NAV2: variants seen among roughly 807,000 people sequenced by gnomAD.
NAV2 encodes the protein neuron navigator 2.
NAV2 carries 54 observed loss-of-function variants against 223.2 expected under a neutral mutation model. That is an observed-to-expected ratio of 0.24 (90% CI 0.19 to 0.30). The LOEUF (loss-of-function observed/expected upper bound fraction) is 0.30. Among genes scored for constraint, NAV2 ranks in the 10% least tolerant of loss-of-function variants. The pLI is 1.00. For missense variants in NAV2, 2,806 were observed against 3,147.5 expected (o/e 0.89, Z 2.60); for synonymous variants, 1,279 against 1,239.3 (o/e 1.03, Z -0.67).
At chr11:19,556,750 G>A (rs1243422223) in intron 1 of NAV2, among the ~76,000 whole-genome samples, 2 of 152,170 alleles carry the variant, frequency 1.3e-5, no homozygotes, top group African/African-American at 4.8e-5. Flanking sequence ...ACATGCAATA[G>A]CTAAAATGTG....
At chr11:19,844,604 A>AT (rs1285845138) in intron 3 of NAV2, among the ~76,000 whole-genome samples, 9 of 152,104 alleles carry the variant, frequency 5.9e-5, no homozygotes, top group African/African-American at 2.2e-4. Context: ...AAAGTTTTGG[A>AT]TTTTGGCATA....
At chr11:19,582,324 A>C (rs910781677) in intron 1 of NAV2, among the ~76,000 whole-genome samples, 4 of 151,860 alleles carry the variant, frequency 2.6e-5, no homozygotes, top group Non-Finnish European at 5.9e-5. Flanking sequence ...TTGCCTGTTC[A>C]CTCTGATGGT....
At chr11:19,653,141 T>C (rs1411187084) in intron 1 of NAV2, among the ~76,000 whole-genome samples, 1 of 152,170 alleles carries the variant, frequency 6.6e-6, no homozygotes, top group Non-Finnish European at 1.5e-5. Flanking sequence ...CATGTGACAC[T>C]TGGCACAAGA....
At chr11:20,083,243 G>A (rs1162300136) in intron 26 of NAV2, 64 bp downstream of exon 26, 4 of 1,378,532 alleles carry the variant, frequency 2.9e-6, no homozygotes, top group African/African-American at 1.4e-5. Context: ...AGTAGGAATG[G>A]CTAGGAGTCC....
intron 2 of NAV2, among the ~76,000 whole-genome samples, chr11:19,836,962 T>A (rs2060272088): frequency 1.3e-5 from 2 of 152,148 alleles, no homozygotes; most frequent in Non-Finnish European, 2.9e-5. Context: ...GTTCATGAGA[T>A]CTTTACCCTC....
intron 1 of NAV2, among the ~76,000 whole-genome samples, chr11:19,771,828 A>G (rs1034870749): frequency 6.6e-6 from 1 of 152,148 alleles, no homozygotes; most frequent in Non-Finnish European, 1.5e-5. Flanking sequence ...ATTCATTCGT[A>G]GGCTTGTCAG....
chr11:19,884,200 TC>T, intron 5 of NAV2: 2 of 872,050 alleles, frequency 2.3e-6, no homozygotes, highest in Non-Finnish European at 1.9e-6. Flanking sequence ...AACAGCAACA[TC>T]CCCATTGTCA....
At chr11:19,356,420 C>G (rs934962157) in intron 1 of NAV2, among the ~76,000 whole-genome samples, 1 of 152,192 alleles carries the variant, frequency 6.6e-6, no homozygotes, top group Non-Finnish European at 1.5e-5. Flanking sequence ...CCAGCCGCAG[C>G]ATGAGGCACT....
chr11:19,540,485 C>T (rs938099197), intron 1 of NAV2, among the ~76,000 whole-genome samples: 1 of 152,170 alleles, frequency 6.6e-6, no homozygotes, highest in African/African-American at 2.4e-5. Context: ...CATTCCCATT[C>T]CCATTAAATG....
chr11:20,012,827 AGAG>A (rs2053681022), intron 11 of NAV2, among the ~76,000 whole-genome samples: 2 of 152,220 alleles, frequency 1.3e-5, no homozygotes, highest in African/African-American at 4.8e-5. Flanking sequence ...GCAAAAATCC[AGAG>A]GTGATAAAGA....
At chr11:20,057,797 A>G (rs918602503) in intron 19 of NAV2, among the ~76,000 whole-genome samples, 3 of 152,238 alleles carry the variant, frequency 2.0e-5, no homozygotes, top group Non-Finnish European at 2.9e-5. Flanking sequence ...GTCATCAGAT[A>G]GCTTTTATTT....
chr11:19,570,626 A>G (rs1450521300), intron 1 of NAV2, among the ~76,000 whole-genome samples: 1 of 152,254 alleles, frequency 6.6e-6, no homozygotes, highest in African/African-American at 2.4e-5. Context: ...TGAGCAAAGG[A>G]CTTGAATAGA....
intron 1 of NAV2, among the ~76,000 whole-genome samples, chr11:19,410,362 C>G (rs1469896680): frequency 5.3e-5 from 8 of 152,202 alleles, no homozygotes; most frequent in Admixed American, 5.2e-4. Flanking sequence ...GTTAAGTGTG[C>G]CCTGCACTAT....
At chr11:20,003,475 C>A (rs940036874) in intron 11 of NAV2, among the ~76,000 whole-genome samples, 1 of 152,126 alleles carries the variant, frequency 6.6e-6, no homozygotes, top group African/African-American at 2.4e-5. Context: ...GCAATACAAG[C>A]CTTCTCCATT....
rs1423734663 is a variant in NAV2 at position 20,068,410 on chromosome 11, CAT to C, written c.4983+14_4983+15del. ...AGCTGACAGCAAATGTAAGTACAGA[CAT>C]AGGGCAGTAGCATCGGGACAGGAAG... is the stretch of plus-strand genomic sequence containing the variant. On this transcript the variant is annotated intron_variant, in intron 22 of 37. Transcript: ENST00000349880. 3.1e-6 allele frequency: 5 copies of C among 1,606,204 alleles called. No homozygotes were observed. In the East Asian group the frequency reaches 6.7e-5, roughly 21 times the overall value.
intron 35 of NAV2, among the ~76,000 whole-genome samples, chr11:20,106,005 G>A (rs1281101347): frequency 6.6e-6 from 1 of 151,374 alleles, no homozygotes; most frequent in Non-Finnish European, 1.5e-5. Context: ...TACCCTCTGG[G>A]ATTGGCTTTG....
At chr11:19,416,519 C>A (rs1048511611) in intron 1 of NAV2, among the ~76,000 whole-genome samples, 36 of 152,172 alleles carry the variant, frequency 2.4e-4, no homozygotes, top group Non-Finnish European at 4.0e-4. Flanking sequence ...GGCCATACTG[C>A]CCAAAGTAAT....
At chr11:19,535,808 G>A (rs2044170210) in intron 1 of NAV2, among the ~76,000 whole-genome samples, 1 of 152,096 alleles carries the variant, frequency 6.6e-6, no homozygotes, top group African/African-American at 2.4e-5. Context: ...CCATCTTCTT[G>A]TGGTCCAAAT....
At chr11:19,658,110 C>T (rs1336648414) in intron 1 of NAV2, among the ~76,000 whole-genome samples, 1 of 152,116 alleles carries the variant, frequency 6.6e-6, no homozygotes, top group Non-Finnish European at 1.5e-5. Context: ...GCTAAGCATT[C>T]TACATTTATA....
Sources: gnomAD v4.1 joint callset for allele counts (sites outside exome capture counted in the v4.1 genomes callset) on GRCh38, gnomAD v4.1.1 for gene constraint, MANE v1.5 for transcripts, NCBI Gene and HGNC (gene_info 2026-07-23, HGNC 2026-07-21) for gene names.